Variants in GSR observed in about 807,000 individuals in gnomAD.
GSR encodes the protein glutathione-disulfide reductase.
GSR carries 48 observed loss-of-function variants against 56.5 expected under a neutral mutation model. The observed-to-expected ratio is 0.85, with a 90% CI of 0.67 to 1.08. The LOEUF is 1.08. Ranked by LOEUF, GSR falls within the 50% of genes least tolerant of loss-of-function variation. GSR has a pLI of 0.00. For missense variants in GSR, 694 were observed against 703.3 expected, an observed-to-expected ratio of 0.99 and a Z score of 0.15; for synonymous variants, 264 against 270.8, an observed-to-expected ratio of 0.97 and a Z score of 0.25.
chr8:30,708,434 G>A (rs8190953), intron 3 of GSR, among the ~76,000 whole-genome samples: 2 of 152,328 alleles, frequency 1.3e-5, no homozygotes, highest in South Asian at 2.1e-4. Context: ...TGCACAGGAC[G>A]TGGTGGGCAC....
intron 2 of GSR, among the ~76,000 whole-genome samples, chr8:30,710,772 T>C (rs958670501): frequency 2.1e-5 from 2 of 93,068 alleles, no homozygotes; most frequent in East Asian, 3.0e-4. Context: ...AAAAAAAATA[T>C]ATAAATGAAC....
rs374364330 is a variant in GSR, at chr8:30,712,092, G to GAA, written c.307-6_307-5dup. 6.9e-4 allele frequency: 779 copies of GAA among 1,129,354 alleles called. No individual in the cohort carries two copies. The highest frequency in any genetic ancestry group is 1.3e-3 in the Middle Eastern group (6 of 4,678). 70.0% of individuals were successfully genotyped at this position (1,129,354 alleles called of 1,614,324 possible). On this transcript the variant is annotated splice_region_variant and splice_polypyrimidine_tract_variant and intron_variant, in intron 1 of 12. Coordinates refer to ENST00000221130, the MANE Select transcript of GSR (RefSeq NM_000637.5). ...TGGGTACACATCCAACATTCACCTG[G>GAA]AAAAAAAAAAAAGAGACACACTTTA...
rs187731553 is a variant in GSR, at chr8:30,721,222, G to A, written c.306+6308C>T. 4.6e-5 allele frequency among the ~76,000 whole-genome samples: 7 copies of A among 152,082 alleles called. No homozygotes were observed. In the East Asian group the frequency reaches 7.7e-4, roughly 17 times the overall value. On this transcript the variant is annotated intron_variant, in intron 1 of 12. Coordinates refer to ENST00000221130, the MANE Select transcript of GSR (RefSeq NM_000637.5). ...TATTACCTGATACCCACCATCTCCCGTCCCCCAAAAAGAAAAGGACCTAGG... is the reference window on the plus strand; with the variant it reads ...TATTACCTGATACCCACCATCTCCCATCCCCCAAAAAGAAAAGGACCTAGG...
At chr8:30,724,244 G>A (rs1051765530) in intron 1 of GSR, among the ~76,000 whole-genome samples, 6 of 152,076 alleles carry the variant, frequency 3.9e-5, no homozygotes, top group African/African-American at 1.4e-4. Flanking sequence ...AAGACAGAAA[G>A]ACAAACTTCT....
intron 8 of GSR, among the ~76,000 whole-genome samples, chr8:30,689,882 TTATA>T (rs1320082324): frequency 2.8e-5 from 4 of 142,780 alleles, no homozygotes; most frequent in Non-Finnish European, 6.1e-5. Context: ...TATATGTATA[TTATA>T]TATAAATTAT....
At position 30,679,644 on chromosome 8, in the gene GSR, A is replaced by G; in HGVS notation, c.1445T>C (p.Leu482Pro). ...ACCCTGCAGCATTTCATCACACCCAAGTCCCTGCATATGGATCCCAACCAC... is the reference window on the plus strand; with the variant it reads ...ACCCTGCAGCATTTCATCACACCCAGGTCCCTGCATATGGATCCCAACCAC... ...EKVVGIHMQG[L>P]GCDEMLQGFA... Residue 482 changes from leucine to proline, a missense_variant, in exon 13 of 13, where the codon CTT (leucine) becomes CCT (proline). By Grantham distance (98) the Leu-to-Pro change is moderately conservative. Coordinates refer to ENST00000221130, the MANE Select transcript of GSR (RefSeq NM_000637.5). 1 of 1,613,828 alleles carries G rather than the reference A, an allele frequency of 6.2e-7. No homozygotes were observed. Among genetic ancestry groups the G allele is most frequent in the Non-Finnish European group, 8.5e-7 (1 of 1,179,878 alleles).
intron 1 of GSR, among the ~76,000 whole-genome samples, chr8:30,713,256 C>T (rs141316866): frequency 0.01 from 1,560 of 152,202 alleles, 21 homozygotes; most frequent in Admixed American, 0.021. Context: ...ATGCTGGTCT[C>T]GAACTACTGA....
intron 10 of GSR, among the ~76,000 whole-genome samples, chr8:30,683,310 C>T (rs1475720098): frequency 6.6e-6 from 1 of 152,136 alleles, no homozygotes; most frequent in Non-Finnish European, 1.5e-5. Flanking sequence ...TGTAGGTTTT[C>T]ATCCTGATAT....
At chr8:30,711,077 A>C (rs1259931729) in intron 2 of GSR, among the ~76,000 whole-genome samples, 3 of 152,178 alleles carry the variant, frequency 2.0e-5, no homozygotes, top group Non-Finnish European at 2.9e-5. Flanking sequence ...AGAGAAGAAA[A>C]GTCTTCCTAA....
Position 30,703,224 on chromosome 8 carries a change from A to T in GSR, c.509T>A (p.Ile170Asn). 6.2e-7 allele frequency: 1 copy of T among 1,614,036 alleles called. No individual in the cohort carries two copies. Among genetic ancestry groups the T allele is most frequent in the Non-Finnish European group, 8.5e-7 (1 of 1,179,940 alleles). Residue 170 changes from isoleucine to asparagine, a missense_variant, in exon 5 of 13, where the codon ATC becomes AAC. Physicochemically the swap from Ile to Asn is moderately radical, Grantham distance 149. Transcript: ENST00000221130. ...NNLTKSHIEI[I>N]RGHAAFTSDP... The stretch of plus-strand genomic sequence containing the variant: ...ACTCGTGAAGGCTGCATGGCCACGG[A>T]TGATTTCTATATGGGACTAAAGAAG...
intron 1 of GSR, among the ~76,000 whole-genome samples, chr8:30,720,833 G>A (rs1204659444): frequency 8.5e-6 from 1 of 117,516 alleles, no homozygotes; most frequent in East Asian, 2.8e-4. Context: ...TTTAAAAAGT[G>A]TGACTGGGTG....
intron 1 of GSR, among the ~76,000 whole-genome samples, chr8:30,723,683 T>G (rs1266431992): frequency 6.6e-6 from 1 of 151,760 alleles, no homozygotes; most frequent in Non-Finnish European, 1.5e-5. Flanking sequence ...TCCCAGCTAC[T>G]TACGAGGCTG....
intron 10 of GSR, among the ~76,000 whole-genome samples, chr8:30,683,753 C>CTA (rs1803033986): frequency 5.1e-4 from 22 of 42,928 alleles, no homozygotes; most frequent in African/African-American, 2.1e-3. Context: ...CAGAGTGTCT[C>CTA]CAAAAAAAAA....
intron 1 of GSR, among the ~76,000 whole-genome samples, chr8:30,717,986 A>C (rs1038417954): frequency 6.6e-6 from 1 of 151,934 alleles, no homozygotes; most frequent in African/African-American, 2.4e-5. Flanking sequence ...CTGTAATCCC[A>C]GCTACTTGGA....
chr8:30,705,538 A>C (rs1164417152), intron 4 of GSR, among the ~76,000 whole-genome samples: 1 of 152,144 alleles, frequency 6.6e-6, no homozygotes, highest in Admixed American at 6.6e-5. Context: ...CTGGGATTAC[A>C]GGTGTGAGCC....
chr8:30,711,606 C>T (rs759536191), intron 2 of GSR, among the ~76,000 whole-genome samples: 3 of 151,972 alleles, frequency 2.0e-5, no homozygotes, highest in Non-Finnish European at 4.4e-5. Context: ...CTGAGGTGGG[C>T]AGATCACCTG....
At chr8:30,703,818 G>A (rs1332482302) in intron 4 of GSR, among the ~76,000 whole-genome samples, 1 of 150,756 alleles carries the variant, frequency 6.6e-6, no homozygotes, top group Non-Finnish European at 1.5e-5. Flanking sequence ...AGAAGAGGGA[G>A]GAGGAGGAGG....
chr8:30,714,938 A>ATCCT (rs1267788252), intron 1 of GSR, among the ~76,000 whole-genome samples: 28 of 152,334 alleles, frequency 1.8e-4, no homozygotes, highest in Admixed American at 1.8e-3. Context: ...CCAGCACTGC[A>ATCCT]TCCTTCATGG....
chr8:30,686,998 G>A (rs1020607238), intron 9 of GSR, among the ~76,000 whole-genome samples: 46 of 151,726 alleles, frequency 3.0e-4, no homozygotes, highest in African/African-American at 1.1e-3. Context: ...CACCATGCCT[G>A]GCTAATTTTT....
Sources: allele counts gnomAD v4.1 joint callset (sites outside exome capture counted in the v4.1 genomes callset), GRCh38; gene constraint gnomAD v4.1.1; transcripts MANE v1.5; gene names NCBI Gene and HGNC (gene_info 2026-07-23, HGNC 2026-07-21).